The following LRP6 variants were observed in gnomAD, a reference collection of about 807,000 sequenced individuals.
LRP6 encodes LDL receptor related protein 6.
LRP6 carries 43 observed loss-of-function variants against 184.1 expected under a neutral mutation model. The ratio of observed to expected loss-of-function variants is 0.23; its 90% CI spans 0.18 to 0.30. The LOEUF (loss-of-function observed/expected upper bound fraction) is 0.30, where lower values mean the gene tolerates loss of function less well. Ranked by LOEUF, LRP6 falls within the 10% of genes least tolerant of loss-of-function variation. The pLI, the probability that LRP6 is intolerant of heterozygous loss-of-function variation, is 1.00. For synonymous variants in LRP6, 719 were observed against 684.9 expected, an observed-to-expected ratio of 1.05 and a Z score of -0.78; for missense variants, 1,571 against 2,005.3, an observed-to-expected ratio of 0.78 and a Z score of 4.14.
At chr12:12,124,515 A>C (rs770234676) in intron 22 of LRP6, 50 bp downstream of exon 22, 1 of 1,362,870 alleles carries the variant, frequency 7.3e-7, no homozygotes. Flanking sequence ...CCACAACTGA[A>C]ACACTTTCAA....
At chr12:12,170,203 T>C (rs1276501249) in intron 7 of LRP6, among the ~76,000 whole-genome samples, 2 of 152,056 alleles carry the variant, frequency 1.3e-5, no homozygotes, top group Admixed American at 1.3e-4. Flanking sequence ...GGTGTGGAGA[T>C]GCACACCTGT....
At chr12:12,205,347 AAAAAAAAAAG>A (rs1408229932) in intron 2 of LRP6, among the ~76,000 whole-genome samples, 3,026 of 146,058 alleles carry the variant, frequency 0.021, 27 homozygotes, top group Middle Eastern at 0.099. Context: ...AAAAAAAAAA[AAAAAAAAAAG>A]AGGTAATGAG....
chr12:12,251,666 C>G (rs1459500817), intron 1 of LRP6, among the ~76,000 whole-genome samples: 1 of 152,148 alleles, frequency 6.6e-6, no homozygotes, highest in Non-Finnish European at 1.5e-5. Flanking sequence ...CGGTGCCCCG[C>G]CCATTAGTCT....
Position 12,121,409 on chromosome 12 carries a change from T to C in LRP6, c.4559A>G (p.Tyr1520Cys). Residue 1520 changes from tyrosine (Y) to cysteine (C), a missense_variant, in exon 23 of 23, where the codon TAT becomes TGT. Transcript: ENST00000261349. ...GGGGGGTGCAAAGTGCCGGTAGCTA[T>C]ATGGCCTGTAGCTGGTATAGGGAGA... ...STHRSYSYRP[Y>C]SYRHFAPPTT... is the part of the protein sequence containing the mutation. 6.2e-7 allele frequency: 1 copy of C among 1,613,938 alleles called. No homozygotes were observed. Among genetic ancestry groups the C allele is most frequent in the Non-Finnish European group, 8.5e-7 (1 of 1,179,884 alleles).
intron 2 of LRP6, among the ~76,000 whole-genome samples, chr12:12,220,219 C>G (rs1255541973): frequency 6.6e-6 from 1 of 151,332 alleles, no homozygotes; most frequent in African/African-American, 2.4e-5. Flanking sequence ...ACCCAGGAAG[C>G]AGAGGTTGCA....
At chr12:12,131,740 C>T (rs1023605092) in intron 18 of LRP6, 81 bp downstream of exon 18, 2 of 1,186,680 alleles carry the variant, frequency 1.7e-6, no homozygotes, top group Non-Finnish European at 2.5e-6. Flanking sequence ...CCAACTGACA[C>T]TAAGCCAAGT....
chr12:12,149,605 C>T (rs1001083873), intron 13 of LRP6, among the ~76,000 whole-genome samples: 1 of 152,190 alleles, frequency 6.6e-6, no homozygotes, highest in East Asian at 1.9e-4. Flanking sequence ...CAACTGGTAA[C>T]TAGCAGGCAG....
chr12:12,266,780 G>C lies in LRP6; in HGVS notation c.-45C>G. ...TTCTCTCACCGGCGAGGGGTGGCCA[G>C]AAGTGGGGGAGGCGAGGAGCCGGGG... On this transcript the variant is annotated 5_prime_UTR_variant, in exon 1 of 23. Transcript: ENST00000261349. 12 of 1,550,056 alleles carry C rather than the reference G, an allele frequency of 7.7e-6. No homozygotes were observed. The highest frequency in any genetic ancestry group is 1.1e-5 in the Non-Finnish European group (12 of 1,131,806).
Position 12,162,207 on chromosome 12 carries a change from C to A in LRP6, c.2265G>T (p.Leu755Phe), listed in dbSNP as rs1452152944. Residue 755 changes from leucine (L) to phenylalanine (F), a missense_variant, in exon 10 of 23, where the codon TTG becomes TTT. This residue lies in a region of LRP6 where 158 missense variants were observed against 258.4 expected (regional missense o/e 0.61). Transcript: ENST00000261349. ...AAGCTGTTTACCCTTCGGCAGGGTC[C>A]AACGCGAGAGCTCTGGGACTATCTA... ...KDLDSPRALALDPAEGFMYWT... is the reference protein window; with the variant it reads ...KDLDSPRALAFDPAEGFMYWT... The A allele has an allele frequency of 6.2e-7, 1 of 1,614,148 alleles. No homozygotes were observed. Among genetic ancestry groups the A allele is most frequent in the Non-Finnish European group, 8.5e-7 (1 of 1,180,016 alleles).
intron 1 of LRP6, 134 bp downstream of exon 1, chr12:12,266,547 C>G (rs941400946): frequency 1.2e-6 from 1 of 806,966 alleles, no homozygotes; most frequent in Non-Finnish European, 2.0e-6. Flanking sequence ...TTCTCTCCCC[C>G]TCCCCACGAC....
In LRP6 at chr12:12,130,809, C is replaced by T. The variant is rs1168081105; in HGVS notation, c.4055G>A (p.Ser1352Asn). The part of the protein sequence containing the change: ...HKKCDHNVDC[S>N]DKSDELDCYP... ...ACAATCCAGTTCATCTGACTTGTCA[C>T]TGCAATCCACATTATGATCACACTT... is the stretch of plus-strand genomic sequence containing the variant. The change falls in exon 19 of 23, where the codon AGT becomes AAT. Residue 1352 changes from serine (S) to asparagine (N), a missense_variant. This residue lies in a region of LRP6 where 763 missense variants were observed against 859.5 expected (regional missense o/e 0.89). Transcript: ENST00000261349. 6.2e-7 allele frequency: 1 copy of T among 1,612,584 alleles called. No homozygotes were observed. The highest frequency in any genetic ancestry group is 2.2e-5 in the East Asian group (1 of 44,858).
rs115284725 is a variant in LRP6, at chr12:12,155,569, T to C, written c.2791+3260A>G. The stretch of plus-strand genomic sequence containing the variant: ...ACGTTAAGCACGCTAAGAGCCGAGA[T>C]AGCTTCCTAAAGGAAGCTATCAGAA... On this transcript the variant is annotated intron_variant, in intron 12 of 22. Coordinates refer to ENST00000261349, the MANE Select transcript of LRP6 (RefSeq NM_002336.3). 2.4e-3 allele frequency: 1,797 copies of C among 742,668 alleles called. 21 individuals carry two copies. The African/African-American group carries it at 0.028, about 11-fold the overall frequency. The allele number at this position is 742,668 out of a possible 1,614,324, so 46.0% of individuals were successfully genotyped here.
chr12:12,120,239 T>A lies in LRP6; in HGVS notation c.*887A>T, dbSNP rs1411964548. 2 of 151,518 alleles carry A rather than the reference T, an allele frequency of 1.3e-5. No individual in the cohort carries two copies. Among genetic ancestry groups the A allele is most frequent in the Non-Finnish European group, 2.9e-5 (2 of 67,886 alleles). The allele number at this position is 151,518 out of a possible 1,614,324, so 9.4% of individuals were successfully genotyped here. ...TTTGATCATTATGCAAAAACAGCAG[T>A]CAAATTGAAGAGCTAAGCCTACTGG... On this transcript the variant is annotated 3_prime_UTR_variant, in exon 23 of 23. Coordinates refer to ENST00000261349, the MANE Select transcript of LRP6 (RefSeq NM_002336.3).
chr12:12,226,480 G>A (rs1394471545), intron 2 of LRP6, among the ~76,000 whole-genome samples: 2 of 152,124 alleles, frequency 1.3e-5, no homozygotes, highest in African/African-American at 4.8e-5. Context: ...ATGTAAGCAA[G>A]GGGAAAAATC....
chr12:12,141,501 C>A (rs917239916), intron 15 of LRP6, among the ~76,000 whole-genome samples: 1 of 152,098 alleles, frequency 6.6e-6, no homozygotes, highest in Non-Finnish European at 1.5e-5. Flanking sequence ...GAATTTTAAC[C>A]TTTTATGATG....
chr12:12,216,517 G>T (rs939205709), intron 2 of LRP6, among the ~76,000 whole-genome samples: 2 of 152,078 alleles, frequency 1.3e-5, no homozygotes, highest in Admixed American at 6.5e-5. Context: ...TAAATGTGAG[G>T]AGTGAGGAGG....
At chr12:12,143,217 A>C (rs931908554) in intron 15 of LRP6, among the ~76,000 whole-genome samples, 3 of 152,236 alleles carry the variant, frequency 2.0e-5, no homozygotes, top group Non-Finnish European at 4.4e-5. Context: ...AATGAAAGAT[A>C]GGCAAGACCT....
Position 12,120,182 on chromosome 12 carries a change from A to C in LRP6, c.*944T>G, listed in dbSNP as rs1949586363. ...AGACATTTTAATGAGCATTAAAACA[A>C]TCTTGGAAGAAGAGAAATAATATGT... On this transcript the variant is annotated 3_prime_UTR_variant, in exon 23 of 23. Transcript: ENST00000261349. 1 of 151,626 alleles carries C rather than the reference A, an allele frequency of 6.6e-6. No individual in the cohort carries two copies. Among genetic ancestry groups the C allele is most frequent in the Non-Finnish European group, 1.5e-5 (1 of 67,902 alleles). 9.4% of individuals were successfully genotyped at this position (151,626 alleles called of 1,614,324 possible). A position where few individuals can be genotyped will look rare whatever the true frequency, so the allele number is the denominator to read the frequency against.
chr12:12,207,551 G>A (rs185097119), intron 2 of LRP6, among the ~76,000 whole-genome samples: 3 of 151,954 alleles, frequency 2.0e-5, no homozygotes, highest in East Asian at 1.9e-4. Flanking sequence ...TAATAATAAC[G>A]CTTTCAGTGG....
Sources: allele counts gnomAD v4.1 joint callset (sites outside exome capture counted in the v4.1 genomes callset), GRCh38; gene constraint gnomAD v4.1.1; regional missense constraint gnomAD v4.1.1; transcripts MANE v1.5; gene names NCBI Gene and HGNC (gene_info 2026-07-23, HGNC 2026-07-21).